The following FARP1 variants were observed in gnomAD, a reference collection of about 807,000 sequenced individuals.
FARP1 encodes FERM, ARHGEF and pleckstrin domain-containing protein 1.
FARP1 carries 52 observed loss-of-function variants against 128.8 expected under a neutral mutation model. The observed-to-expected ratio is 0.40, with a 90% CI of 0.32 to 0.51. The LOEUF (loss-of-function observed/expected upper bound fraction) is 0.51, where lower values mean the gene tolerates loss of function less well. Ranked by LOEUF, FARP1 falls within the 20% of genes least tolerant of loss-of-function variation. FARP1 has a pLI of 0.45. For missense variants in FARP1, 1,333 were observed against 1,367.9 expected (o/e 0.97, Z 0.40); for synonymous variants, 580 against 551.8 (o/e 1.05, Z -0.72).
intron 1 of FARP1, among the ~76,000 whole-genome samples, chr13:98,157,440 T>C (rs1244377044): frequency 2.0e-5 from 3 of 152,108 alleles, no homozygotes; most frequent in Non-Finnish European, 4.4e-5. Flanking sequence ...TGCTCTGACA[T>C]TCATCCAGTC....
intron 2 of FARP1, among the ~76,000 whole-genome samples, chr13:98,331,211 G>C (rs1268333177): frequency 6.6e-6 from 1 of 152,162 alleles, no homozygotes; most frequent in Non-Finnish European, 1.5e-5. Flanking sequence ...TAGACTGTCA[G>C]CATTGTTGGA....
chr13:98,420,384 G>A (rs997532197), intron 16 of FARP1, among the ~76,000 whole-genome samples: 5 of 152,078 alleles, frequency 3.3e-5, no homozygotes, highest in Non-Finnish European at 5.9e-5. Flanking sequence ...TTGGTCAGCC[G>A]CCCACCCACA....
At chr13:98,314,671 A>C (rs534769798) in intron 2 of FARP1, among the ~76,000 whole-genome samples, 1 of 152,336 alleles carries the variant, frequency 6.6e-6, no homozygotes, top group Admixed American at 6.5e-5. Flanking sequence ...GTAGTTTGAC[A>C]TGACAGCAGA....
chr13:98,253,241 G>C (rs1461592207), intron 2 of FARP1, among the ~76,000 whole-genome samples: 1 of 152,240 alleles, frequency 6.6e-6, no homozygotes, highest in East Asian at 1.9e-4. Context: ...TTGTTGGCAA[G>C]TAGTCCTGAG....
chr13:98,297,702 G>A (rs1201585376), intron 2 of FARP1, among the ~76,000 whole-genome samples: 1 of 152,132 alleles, frequency 6.6e-6, no homozygotes, highest in Non-Finnish European at 1.5e-5. Flanking sequence ...CAAAATTTGG[G>A]TAGATGTGTA....
chr13:98,185,389 C>A (rs1342943377), intron 1 of FARP1, among the ~76,000 whole-genome samples: 2 of 152,152 alleles, frequency 1.3e-5, no homozygotes, highest in Non-Finnish European at 2.9e-5. Flanking sequence ...TAAGATAAAG[C>A]TCTCTATGGT....
Position 98,219,331 on chromosome 13 carries a change from T to C in FARP1, c.171+5918T>C, listed in dbSNP as rs1856450146. ...TATGGAAGTGTGTTCATTTTCTCTGTCTTTGTCTATATTTATTTATTAAAA... is the reference window on the plus strand; with the variant it reads ...TATGGAAGTGTGTTCATTTTCTCTGCCTTTGTCTATATTTATTTATTAAAA... On this transcript the variant is annotated intron_variant, in intron 2 of 26. Transcript: ENST00000319562. 2.0e-5 allele frequency among the ~76,000 whole-genome samples: 3 copies of C among 152,238 alleles called. 1 individual carries two copies. Among genetic ancestry groups the C allele is most frequent in the African/African-American group, 7.2e-5 (3 of 41,546 alleles).
At chr13:98,334,838 G>A (rs1295145458) in intron 2 of FARP1, among the ~76,000 whole-genome samples, 1 of 152,200 alleles carries the variant, frequency 6.6e-6, no homozygotes, top group Non-Finnish European at 1.5e-5. Flanking sequence ...AAGCCAGGCA[G>A]GGAGCCCTCA....
chr13:98,277,236 T>C (rs2139606267), intron 2 of FARP1, among the ~76,000 whole-genome samples: 1 of 151,914 alleles, frequency 6.6e-6, no homozygotes, highest in South Asian at 2.1e-4. Flanking sequence ...CACTGTAACT[T>C]TGAACTCCTG....
chr13:98,392,685 A>G (rs1890360924), intron 11 of FARP1, among the ~76,000 whole-genome samples: 1 of 152,146 alleles, frequency 6.6e-6, no homozygotes, highest in Non-Finnish European at 1.5e-5. Flanking sequence ...ATTGAGAACC[A>G]TCCAGATTAT....
chr13:98,438,759 G>C lies in FARP1; in HGVS notation c.2275-45G>C, dbSNP rs1296021242. 3 of 1,542,878 alleles carry C rather than the reference G, an allele frequency of 1.9e-6. No individual in the cohort carries two copies. The Admixed American group carries it at 5.0e-5, about 26-fold the overall frequency. On this transcript the variant is annotated intron_variant, in intron 19 of 26. Coordinates refer to ENST00000319562, the MANE Select transcript of FARP1 (RefSeq NM_005766.4). Reference sequence around the variant, plus strand: ...CTGCACACTGGCCGTCAGCCCTTGGGGTCCGCACGCTCGCAGCCAGCCCTC... The same window carrying C: ...CTGCACACTGGCCGTCAGCCCTTGGCGTCCGCACGCTCGCAGCCAGCCCTC...
chr13:98,346,186 ATTTTT>A (rs10555277), intron 3 of FARP1, among the ~76,000 whole-genome samples: 1 of 105,682 alleles, frequency 9.5e-6, no homozygotes, highest in Admixed American at 1.0e-4. Context: ...ATTGCATATA[ATTTTT>A]TTTTTTTTTT....
At chr13:98,419,567 C>G (rs897648829) in intron 16 of FARP1, among the ~76,000 whole-genome samples, 2 of 152,010 alleles carry the variant, frequency 1.3e-5, no homozygotes, top group Non-Finnish European at 2.9e-5. Context: ...CCACCCTCCC[C>G]ACCCGATATA....
chr13:98,327,958 A>G (rs1887306178), intron 2 of FARP1, among the ~76,000 whole-genome samples: 1 of 152,160 alleles, frequency 6.6e-6, no homozygotes. Flanking sequence ...ATGAATATTC[A>G]TGAAACGAGA....
intron 3 of FARP1, among the ~76,000 whole-genome samples, chr13:98,355,427 T>G (rs955748425): frequency 1.3e-5 from 2 of 152,120 alleles, no homozygotes; most frequent in Non-Finnish European, 2.9e-5. Flanking sequence ...ATGAGAGATA[T>G]GGAAATGTAT....
chr13:98,410,165 C>T (rs1468843305), intron 14 of FARP1, among the ~76,000 whole-genome samples: 2 of 152,210 alleles, frequency 1.3e-5, no homozygotes, highest in Non-Finnish European at 2.9e-5. Context: ...AGGCGACCTC[C>T]TTGCACTTAT....
At chr13:98,285,807 A>C (rs116317692) in intron 2 of FARP1, among the ~76,000 whole-genome samples, 2 of 152,186 alleles carry the variant, frequency 1.3e-5, no homozygotes, top group Non-Finnish European at 2.9e-5. Context: ...TTGCTTTTCA[A>C]CCATCGTTTG....
intron 2 of FARP1, among the ~76,000 whole-genome samples, chr13:98,293,923 A>G (rs938270212): frequency 6.6e-6 from 1 of 152,160 alleles, no homozygotes; most frequent in African/African-American, 2.4e-5. Context: ...GGGTTCCCAG[A>G]TGTTTTTGGG....
intron 2 of FARP1, among the ~76,000 whole-genome samples, chr13:98,253,714 G>A (rs1172429588): frequency 6.6e-6 from 1 of 152,228 alleles, no homozygotes; most frequent in Admixed American, 6.5e-5. Flanking sequence ...CAGCCCAGAT[G>A]TTTCCAGCCA....
Sources: allele counts gnomAD v4.1 joint callset (sites outside exome capture counted in the v4.1 genomes callset), GRCh38; gene constraint gnomAD v4.1.1; transcripts MANE v1.5; gene names NCBI Gene and HGNC (gene_info 2026-07-23, HGNC 2026-07-21).